KMT2A: variants seen among roughly 807,000 people sequenced by gnomAD.
KMT2A encodes the protein histone-lysine N-methyltransferase 2A.
A neutral mutation model predicts 345.3 loss-of-function variants in KMT2A; 16 were observed. The observed-to-expected ratio is 0.05, with a 90% CI of 0.03 to 0.07. The LOEUF (loss-of-function observed/expected upper bound fraction) is 0.07, where lower values mean the gene tolerates loss of function less well. KMT2A is among the 10% of genes least tolerant of loss of function. The pLI is 1.00. For missense variants in KMT2A, 3,272 were observed against 4,841.6 expected (o/e 0.68, Z 9.62); for synonymous variants, 1,599 against 1,778.6 (o/e 0.90, Z 2.54).
Position 118,503,434 on chromosome 11 carries a change from A to G in KMT2A, c.7542A>G (p.Glu2514=). The G allele has an allele frequency of 6.2e-7, 1 of 1,614,110 alleles. No individual in the cohort carries two copies. The highest frequency in any genetic ancestry group is 8.5e-7 in the Non-Finnish European group (1 of 1,179,950). ...TGCAAGTAGAAGGATCTGCCAAGGAATTACAGGCACCACGGAAACGCACAG... is the reference window on the plus strand; with the variant it reads ...TGCAAGTAGAAGGATCTGCCAAGGAGTTACAGGCACCACGGAAACGCACAG... ...PPMQVEGSAK[E]LQAPRKRTVK... The change falls in exon 27 of 36, where the codon GAA becomes GAG. Residue 2514 remains glutamate (E), a synonymous_variant. Coordinates refer to ENST00000534358, the MANE Select transcript of KMT2A (RefSeq NM_001197104.2). This position sits in a 1 kb window ranked among gnomAD's most constrained non-coding sequence, Gnocchi z 5.3.
In KMT2A at chr11:118,504,555, G is replaced by A. The variant is rs2134400005; in HGVS notation, c.8663G>A (p.Ser2888Asn). 6.2e-7 allele frequency: 1 copy of A among 1,614,206 alleles called. No homozygotes were observed. Residue 2888 changes from serine (S) to asparagine (N), a missense_variant, in exon 27 of 36, where the codon AGT becomes AAT. Physicochemically the swap from Ser to Asn is conservative, Grantham distance 46. Transcript: ENST00000534358. This position sits in a 1 kb window ranked among gnomAD's most constrained non-coding sequence, Gnocchi z 6.4. Reference protein sequence around the residue: ...LNLGEGLGLDSNREKDMGLFE... With the variant: ...LNLGEGLGLDNNREKDMGLFE... Reference sequence around the variant, plus strand: ...CTTGGTGAAGGATTGGGTCTTGACAGTAATCGTGAAAAAGACATGGGTCTT... The same window carrying A: ...CTTGGTGAAGGATTGGGTCTTGACAATAATCGTGAAAAAGACATGGGTCTT...
chr11:118,522,064 C>A lies in KMT2A; in HGVS notation c.11811C>A (p.Ile3937=), dbSNP rs1350802419. ...TTGTCATCTTTGCCATGCGTAAGAT[C>A]TACCGAGGAGAGGAACTCACTTACG... ...KHIVIFAMRK[I]YRGEELTYDY... Residue 3937 remains isoleucine (I), a synonymous_variant, in exon 36 of 36, where the codon ATC becomes ATA. Coordinates refer to ENST00000534358, the MANE Select transcript of KMT2A (RefSeq NM_001197104.2). The surrounding 1 kb of genome is among the most constrained non-coding windows in gnomAD (Gnocchi z 5.4). 6.2e-7 allele frequency: 1 copy of A among 1,614,110 alleles called. No individual in the cohort carries two copies. The highest frequency in any genetic ancestry group is 1.3e-5 in the African/African-American group (1 of 74,938).
rs1204525820 is a variant in KMT2A at position 118,502,063 on chromosome 11, G to A, written c.6505+206G>A. Among the ~76,000 whole-genome samples the A allele has an allele frequency of 2.6e-5, 4 of 152,056 alleles. No individual in the cohort carries two copies. Among genetic ancestry groups the A allele is most frequent in the African/African-American group, 7.2e-5 (3 of 41,386 alleles). ...AGGTCAGGAGTTCAAGACCAGCCTG[G>A]CCAACATGGTGAAACCCTATCTCTA... On this transcript the variant is annotated intron_variant, in intron 26 of 35. Coordinates refer to ENST00000534358, the MANE Select transcript of KMT2A (RefSeq NM_001197104.2). This position sits in a 1 kb window ranked among gnomAD's most constrained non-coding sequence, Gnocchi z 4.9.
rs782440708 is a variant in KMT2A at position 118,503,730 on chromosome 11, G to A, written c.7838G>A (p.Gly2613Asp). Residue 2613 changes from glycine to aspartate, a missense_variant, in exon 27 of 36, where the codon GGC becomes GAC. Transcript: ENST00000534358. This position sits in a 1 kb window ranked among gnomAD's most constrained non-coding sequence, Gnocchi z 5.3. ...LPDGPKPQED[G>D]SFKRRYPRRS... The stretch of plus-strand genomic sequence containing the variant: ...GATGGCCCCAAACCTCAGGAGGATG[G>A]CTCTTTTAAAAGGAGGTATCCCCGT... The A allele has an allele frequency of 6.2e-7, 1 of 1,614,188 alleles. No individual in the cohort carries two copies. The highest frequency in any genetic ancestry group is 8.5e-7 in the Non-Finnish European group (1 of 1,180,040).
chr11:118,513,390 A>G (rs1555050672), intron 31 of KMT2A, among the ~76,000 whole-genome samples: 1 of 151,674 alleles, frequency 6.6e-6, no homozygotes, highest in Non-Finnish European at 1.5e-5. Context: ...CAGGAATTTT[A>G]ACTTTTTTTT....
At chr11:118,477,581 C>A (rs1950062468) in intron 4 of KMT2A, among the ~76,000 whole-genome samples, 2 of 127,500 alleles carry the variant, frequency 1.6e-5, no homozygotes. Context: ...GATCTCGGCT[C>A]ACTACAGCCT....
At position 118,505,979 on chromosome 11, in the gene KMT2A, G is replaced by A. The variant is rs797025089; in HGVS notation, c.10087G>A (p.Gly3363Arg). The change falls in exon 27 of 36, where the codon GGA becomes AGA. Residue 3363 changes from glycine to arginine, a missense_variant. Physicochemically the swap from Gly to Arg is moderately radical, Grantham distance 125 (BLOSUM62 -2). Around this residue, in one of 27 missense-constraint regions of KMT2A, gnomAD observed 748 missense variants for 922.2 expected, o/e 0.81. Coordinates refer to ENST00000534358, the MANE Select transcript of KMT2A (RefSeq NM_001197104.2). The surrounding 1 kb of genome is among the most constrained non-coding windows in gnomAD (Gnocchi z 4.6). Reference sequence around the variant, plus strand: ...CCCTACAAGTAGTGCGTCAGTTCCAGGACACGTCACCTTAACCAACCCAAG... The same window carrying A: ...CCCTACAAGTAGTGCGTCAGTTCCAAGACACGTCACCTTAACCAACCCAAG... ...TTPTSSASVPGHVTLTNPRLL... is the reference protein window; with the variant it reads ...TTPTSSASVPRHVTLTNPRLL... The A allele has an allele frequency of 1.9e-6, 3 of 1,614,136 alleles. No individual in the cohort carries two copies. The highest frequency in any genetic ancestry group is 2.5e-6 in the Non-Finnish European group (3 of 1,180,036).
intron 1 of KMT2A, among the ~76,000 whole-genome samples, chr11:118,467,644 A>G (rs1053663496): frequency 6.6e-6 from 1 of 152,232 alleles, no homozygotes. Context: ...TGGCTGAAAA[A>G]TGGCTAAGAC....
At chr11:118,463,549 G>A (rs1949786376) in intron 1 of KMT2A, among the ~76,000 whole-genome samples, 1 of 152,112 alleles carries the variant, frequency 6.6e-6, no homozygotes, top group Non-Finnish European at 1.5e-5. Context: ...TAAAAGAATA[G>A]CAATTTTTGT....
rs553808074 is a variant in KMT2A at position 118,476,151 on chromosome 11, C to T, written c.3157-654C>T. On this transcript the variant is annotated intron_variant, in intron 3 of 35. Coordinates refer to ENST00000534358, the MANE Select transcript of KMT2A (RefSeq NM_001197104.2). This position sits in a 1 kb window ranked among gnomAD's most constrained non-coding sequence, Gnocchi z 4.1. ...AACTCCCGACCTCAGGTGATCTACCCGCCTCGGCCTCCCAAAGTGCTGGGA... is the reference window on the plus strand; with the variant it reads ...AACTCCCGACCTCAGGTGATCTACCTGCCTCGGCCTCCCAAAGTGCTGGGA... Among the ~76,000 whole-genome samples the T allele has an allele frequency of 2.0e-5, 3 of 152,226 alleles. No individual in the cohort carries two copies. Among genetic ancestry groups the T allele is most frequent in the East Asian group, 1.9e-4 (1 of 5,162 alleles).
intron 31 of KMT2A, 32 bp downstream of exon 31, chr11:118,512,057 C>T: frequency 6.3e-7 from 1 of 1,576,924 alleles, no homozygotes; most frequent in Non-Finnish European, 8.7e-7. Flanking sequence ...CCACTCCTGT[C>T]TCAGAATATT....
At chr11:118,462,203 C>A (rs1949757506) in intron 1 of KMT2A, among the ~76,000 whole-genome samples, 2 of 152,160 alleles carry the variant, frequency 1.3e-5, no homozygotes, top group African/African-American at 4.8e-5. Context: ...ACCCACCCAT[C>A]TCTACCTTCC....
Position 118,520,177 on chromosome 11 carries a change from G to A in KMT2A, c.11429+113G>A. 1.4e-6 allele frequency: 1 copy of A among 714,936 alleles called. No individual in the cohort carries two copies. Among genetic ancestry groups the A allele is most frequent in the Non-Finnish European group, 2.4e-6 (1 of 423,504 alleles). 44.3% of individuals were successfully genotyped at this position (714,936 alleles called of 1,614,324 possible). On this transcript the variant is annotated intron_variant, in intron 33 of 35. Coordinates refer to ENST00000534358, the MANE Select transcript of KMT2A (RefSeq NM_001197104.2). The surrounding 1 kb of genome is among the most constrained non-coding windows in gnomAD (Gnocchi z 4.3). ...AGAATTTCCTGGATAAGATTTAAAA[G>A]GACTGAAAACCATTTGTGTTGAAGT...
chr11:118,524,026 C>T lies in KMT2A; in HGVS notation c.*1854C>T, dbSNP rs1360309763. ...GGGAGACGGCAATCTTTACATTTCC[C>T]TCATCTTTCTTACTTCAGAGTTAGC... On this transcript the variant is annotated 3_prime_UTR_variant, in exon 36 of 36. Transcript: ENST00000534358. 3 of 198,366 alleles carry T rather than the reference C, an allele frequency of 1.5e-5. No homozygotes were observed. Among genetic ancestry groups the T allele is most frequent in the African/African-American group, 2.3e-5 (1 of 43,356 alleles). The allele number at this position is 198,366 out of a possible 1,614,324, so 12.3% of individuals were successfully genotyped here.
chr11:118,472,631 A>T lies in KMT2A; in HGVS notation c.1472A>T (p.Gln491Leu), dbSNP rs781789646. 2 of 1,612,460 alleles carry T rather than the reference A, an allele frequency of 1.2e-6. No individual in the cohort carries two copies. The highest frequency in any genetic ancestry group is 1.7e-6 in the Non-Finnish European group (2 of 1,179,758). The change falls in exon 3 of 36, where the codon CAG (glutamine) becomes CTG (leucine). Residue 491 changes from glutamine to leucine, a missense_variant. Physicochemically the swap from Gln to Leu is moderately radical, Grantham distance 113 (BLOSUM62 -2). This residue lies in a region of KMT2A where 180 missense variants were observed against 190.7 expected (regional missense o/e 0.94). Coordinates refer to ENST00000534358, the MANE Select transcript of KMT2A (RefSeq NM_001197104.2). The part of the protein sequence containing the change: ...SPSVDTSTDS[Q>L]ASEEIQVLPE... ...AGTGTTGATACCTCCACAGACTCTCAGGCTTCTGAGGAGATTCAGGTACTT... is the reference window on the plus strand; with the variant it reads ...AGTGTTGATACCTCCACAGACTCTCTGGCTTCTGAGGAGATTCAGGTACTT...
chr11:118,475,297 A>G (rs2134277167), intron 3 of KMT2A, among the ~76,000 whole-genome samples: 1 of 152,320 alleles, frequency 6.6e-6, no homozygotes, highest in African/African-American at 2.4e-5. Context: ...TGTTTAACAA[A>G]GTAAGCTAGT....
At position 118,476,709 on chromosome 11, in the gene KMT2A, A is replaced by G. The variant is rs1950044345; in HGVS notation, c.3157-96A>G. 1 of 977,978 alleles carries G rather than the reference A, an allele frequency of 1.0e-6. No individual in the cohort carries two copies. 60.6% of individuals were successfully genotyped at this position (977,978 alleles called of 1,614,324 possible). On this transcript the variant is annotated intron_variant, in intron 3 of 35. Transcript: ENST00000534358. This position sits in a 1 kb window ranked among gnomAD's most constrained non-coding sequence, Gnocchi z 4.1. ...AATTAGAGTTGTGTGTTTTGATTCT[A>G]AATCATACTGAAATTGATTAAGTAT...
intron 30 of KMT2A, among the ~76,000 whole-genome samples, chr11:118,511,509 G>T (rs1472460835): frequency 2.0e-5 from 3 of 152,134 alleles, no homozygotes; most frequent in Non-Finnish European, 2.9e-5. Context: ...GAACTGTAAG[G>T]ATTTTCTAGT....
At chr11:118,492,943 C>T in intron 15 of KMT2A, 114 bp from the exon 16 acceptor site, 7 of 796,050 alleles carry the variant, frequency 8.8e-6, no homozygotes, top group South Asian at 4.5e-5. Context: ...TTTCATGTTC[C>T]TTGGGTTTTA....
Sources: allele counts gnomAD v4.1 joint callset (sites outside exome capture counted in the v4.1 genomes callset), GRCh38; gene constraint gnomAD v4.1.1; regional missense constraint gnomAD v4.1.1; non-coding constraint Gnocchi (gnomAD v3.1); transcripts MANE v1.5; gene names NCBI Gene and HGNC (gene_info 2026-07-23, HGNC 2026-07-21).